NLGN1: variants seen among roughly 807,000 people sequenced by gnomAD.
NLGN1 encodes the protein neuroligin-1.
A neutral mutation model predicts 65.5 loss-of-function variants in NLGN1; 12 were observed. That is an observed-to-expected ratio of 0.18 (90% confidence interval 0.12 to 0.30). NLGN1 has a LOEUF of 0.30. NLGN1 is among the 10% of genes least tolerant of loss of function. NLGN1 has a pLI of 1.00. For synonymous variants in NLGN1, 350 were observed against 359.5 expected, an observed-to-expected ratio of 0.97 and a Z score of 0.30; for missense variants, 750 against 1,007.1, an observed-to-expected ratio of 0.74 and a Z score of 3.46.
intron 4 of NLGN1, among the ~76,000 whole-genome samples, chr3:173,863,958 C>T (rs930819764): frequency 2.0e-5 from 3 of 152,130 alleles, no homozygotes; most frequent in African/African-American, 4.8e-5. Flanking sequence ...CCAAGTACAA[C>T]GTAACAGAGC....
chr3:173,605,128 A>G, intron 3 of NLGN1, 37 bp downstream of exon 2: 2 of 1,503,702 alleles, frequency 1.3e-6, no homozygotes, highest in Non-Finnish European at 1.8e-6. Flanking sequence ...AGATATATTT[A>G]TATATTTTTT....
intron 3 of NLGN1, among the ~76,000 whole-genome samples, chr3:173,752,252 T>A (rs1191842800): frequency 6.6e-6 from 1 of 152,138 alleles, no homozygotes. Context: ...TCTTGACTTC[T>A]TACAATATGC....
At chr3:173,643,229 A>G (rs1197285989) in intron 3 of NLGN1, among the ~76,000 whole-genome samples, 1 of 152,226 alleles carries the variant, frequency 6.6e-6, no homozygotes, top group Non-Finnish European at 1.5e-5. Flanking sequence ...TCTCTAAAGC[A>G]GAGTAGAGAG....
chr3:173,401,656 G>T (rs1040455935), intron 1 of NLGN1, among the ~76,000 whole-genome samples: 3 of 151,962 alleles, frequency 2.0e-5, no homozygotes, highest in African/African-American at 4.8e-5. Context: ...AGATTTTTAG[G>T]GTGACATTTT....
intron 2 of NLGN1, among the ~76,000 whole-genome samples, chr3:173,602,027 T>TG (rs567285834): frequency 1.3e-5 from 2 of 152,164 alleles, no homozygotes; most frequent in South Asian, 4.1e-4. Flanking sequence ...ATCATAAGGA[T>TG]GGCCTTTAAA....
At chr3:173,799,036 C>T (rs947156792) in intron 3 of NLGN1, among the ~76,000 whole-genome samples, 3 of 151,942 alleles carry the variant, frequency 2.0e-5, no homozygotes, top group African/African-American at 7.2e-5. Context: ...CAATCTTTCC[C>T]TATGAAGTGT....
chr3:174,252,006 T>A (rs1418835177), intron 4 of NLGN1, among the ~76,000 whole-genome samples: 6 of 152,196 alleles, frequency 3.9e-5, no homozygotes, highest in Admixed American at 6.6e-5. Flanking sequence ...AAACCTTTTT[T>A]TCTCAAGGTA....
chr3:173,632,194 T>C (rs1755795210), intron 3 of NLGN1, among the ~76,000 whole-genome samples: 1 of 152,164 alleles, frequency 6.6e-6, no homozygotes, highest in Non-Finnish European at 1.5e-5. Context: ...AACATATTCA[T>C]TTTGCTGAGG....
chr3:173,781,962 G>T (rs1431018324), intron 3 of NLGN1, among the ~76,000 whole-genome samples: 3 of 152,164 alleles, frequency 2.0e-5, no homozygotes, highest in African/African-American at 4.8e-5. Context: ...TTAAGGGAAG[G>T]TTGAGATCCC....
intron 4 of NLGN1, among the ~76,000 whole-genome samples, chr3:173,894,517 A>G (rs1006843691): frequency 6.6e-6 from 1 of 152,068 alleles, no homozygotes; most frequent in African/African-American, 2.4e-5. Flanking sequence ...ACAGTCTCAT[A>G]GATACTTCAG....
chr3:173,627,288 A>G (rs867321101), intron 3 of NLGN1, among the ~76,000 whole-genome samples: 1 of 152,126 alleles, frequency 6.6e-6, no homozygotes, highest in Non-Finnish European at 1.5e-5. Context: ...CCACATATCA[A>G]TGAGGTCACA....
chr3:173,604,943 T>C (rs759229363), exon 3 of NLGN1: 1 of 1,613,630 alleles, frequency 6.2e-7, no homozygotes, highest in East Asian at 2.2e-5. Flanking sequence ...AATTTGCTCC[T>C]GTGTGTCCCC....
chr3:173,403,171 GT>G (rs796170583), intron 1 of NLGN1, among the ~76,000 whole-genome samples: 4 of 151,744 alleles, frequency 2.6e-5, no homozygotes, highest in Non-Finnish European at 4.4e-5. Flanking sequence ...ATGTTACAGA[GT>G]TTTTTTTTAA....
intron 3 of NLGN1, among the ~76,000 whole-genome samples, chr3:173,640,269 A>G (rs778805873): frequency 8.5e-5 from 13 of 152,276 alleles, no homozygotes; most frequent in Admixed American, 2.0e-4. Flanking sequence ...GAAATTTTAC[A>G]TTTTAGAAGA....
At chr3:173,655,154 G>T (rs1028404877) in intron 3 of NLGN1, among the ~76,000 whole-genome samples, 5 of 151,946 alleles carry the variant, frequency 3.3e-5, no homozygotes, top group African/African-American at 1.2e-4. Flanking sequence ...CCTCAGAAGG[G>T]GAAAAGCTAA....
chr3:173,512,529 C>T (rs573453926), intron 2 of NLGN1, among the ~76,000 whole-genome samples: 13 of 152,254 alleles, frequency 8.5e-5, no homozygotes, highest in East Asian at 3.9e-4. Context: ...TAACCTCTGC[C>T]GGCTGAGTCT....
At chr3:173,710,255 C>A (rs1372369234) in intron 3 of NLGN1, among the ~76,000 whole-genome samples, 3 of 152,102 alleles carry the variant, frequency 2.0e-5, no homozygotes, top group Non-Finnish European at 1.5e-5. Flanking sequence ...GTTTGTCCTT[C>A]CTTAATTCTA....
At chr3:173,888,075 T>C (rs1734689202) in intron 4 of NLGN1, among the ~76,000 whole-genome samples, 1 of 152,064 alleles carries the variant, frequency 6.6e-6, no homozygotes, top group African/African-American at 2.4e-5. Context: ...GAATCACCCA[T>C]ATAATGCACA....
intron 4 of NLGN1, among the ~76,000 whole-genome samples, chr3:174,017,665 A>G (rs1330355019): frequency 2.0e-5 from 3 of 152,126 alleles, no homozygotes; most frequent in Non-Finnish European, 4.4e-5. Flanking sequence ...ACATGTTGGC[A>G]GGTTCCGTGA....
Sources: gnomAD v4.1 joint callset for allele counts (sites outside exome capture counted in the v4.1 genomes callset) on GRCh38, gnomAD v4.1.1 for gene constraint, MANE v1.5 for transcripts, NCBI Gene and HGNC (gene_info 2026-07-23, HGNC 2026-07-21) for gene names.